The following PABPC1L variants were observed in gnomAD, a reference collection of about 807,000 sequenced individuals.
The protein encoded by PABPC1L is poly(A) binding protein cytoplasmic 1 like, also known as polyadenylate-binding protein 1-like.
In PABPC1L, 31 loss-of-function variants were observed where a neutral mutation model predicts 66.6. That is an observed-to-expected ratio of 0.47 (90% CI 0.35 to 0.63). The LOEUF is 0.63. PABPC1L is among the 20% of genes least tolerant of loss of function. The probability of loss-of-function intolerance (pLI) is 0.00; values close to 1 mark genes in which losing one functional copy is unlikely to be tolerated. For synonymous variants in PABPC1L, 348 were observed against 335.1 expected (o/e 1.04, Z -0.42); for missense variants, 722 against 848.8 (o/e 0.85, Z 1.86).
chr20:44,914,204 C>CTTTT (rs1201412446), intron 2 of PABPC1L, among the ~76,000 whole-genome samples: 3,109 of 114,242 alleles, frequency 0.027, 266 homozygotes, highest in African/African-American at 0.082. Flanking sequence ...TGTGTCAGAA[C>CTTTT]TTTTTTTTTT....
At position 44,912,867 on chromosome 20, in the gene PABPC1L, G is replaced by C. The variant is rs199704484; in HGVS notation, c.387+14G>C. ...CTCTCTTGCAAGGTAGAGGATGAAGGGTGTACGTCTTTGGGTAGATCGGTG... is the reference window on the plus strand; with the variant it reads ...CTCTCTTGCAAGGTAGAGGATGAAGCGTGTACGTCTTTGGGTAGATCGGTG... On this transcript the variant is annotated intron_variant, in intron 2 of 14. Coordinates refer to ENST00000217073, the MANE Select transcript of PABPC1L (RefSeq NM_001372179.1). 2.5e-4 allele frequency: 408 copies of C among 1,608,504 alleles called. No homozygotes were observed. Among genetic ancestry groups the C allele is most frequent in the Non-Finnish European group, 3.2e-4 (378 of 1,175,398 alleles).
Position 44,915,336 on chromosome 20 carries a change from T to C in PABPC1L, c.388-1420T>C, listed in dbSNP as rs558304452. Among the ~76,000 whole-genome samples the C allele has an allele frequency of 2.0e-5, 3 of 152,238 alleles. No homozygotes were observed. In the East Asian group the frequency reaches 5.8e-4, roughly 29 times the overall value. On this transcript the variant is annotated intron_variant, in intron 2 of 14. Coordinates refer to ENST00000217073, the MANE Select transcript of PABPC1L (RefSeq NM_001372179.1). Reference sequence around the variant, plus strand: ...TGAGCTGAGCCTGTAGCCACAGGGATGAGTGGAGCCACAGTCACCTTGAAG... The same window carrying C: ...TGAGCTGAGCCTGTAGCCACAGGGACGAGTGGAGCCACAGTCACCTTGAAG...
intron 7 of PABPC1L, among the ~76,000 whole-genome samples, chr20:44,924,924 C>T (rs535667984): frequency 6.9e-6 from 1 of 144,558 alleles, no homozygotes; most frequent in African/African-American, 2.9e-5. Flanking sequence ...TTTTTTAAAG[C>T]TCCCAGAGGC....
chr20:44,923,285 C>T (rs1428447810), intron 6 of PABPC1L, among the ~76,000 whole-genome samples: 1 of 152,066 alleles, frequency 6.6e-6, no homozygotes, highest in African/African-American at 2.4e-5. Context: ...GTCTGTAAAA[C>T]AAGGATAAAA....
In PABPC1L at chr20:44,930,740, C is replaced by A; in HGVS notation, c.1239+14C>A. On this transcript the variant is annotated intron_variant, in intron 8 of 14. Coordinates refer to ENST00000217073, the MANE Select transcript of PABPC1L (RefSeq NM_001372179.1). Reference sequence around the variant, plus strand: ...GCCATGCCCCAGGTGACGGCCTGCCCGCAACTCCCACCGCAGCCTTCCCCC... The same window carrying A: ...GCCATGCCCCAGGTGACGGCCTGCCAGCAACTCCCACCGCAGCCTTCCCCC... The A allele has an allele frequency of 1.2e-6, 2 of 1,609,020 alleles. No individual in the cohort carries two copies. Among genetic ancestry groups the A allele is most frequent in the African/African-American group, 1.3e-5 (1 of 75,038 alleles).
rs2066874938 is a variant in PABPC1L, at chr20:44,933,146, A to G, written c.1420A>G (p.Thr474Ala). 1 of 1,609,438 alleles carries G rather than the reference A, an allele frequency of 6.2e-7. No individual in the cohort carries two copies. The highest frequency in any genetic ancestry group is 1.1e-5 in the South Asian group (1 of 89,754). The change falls in exon 10 of 15, where the codon ACC becomes GCC. Residue 474 changes from threonine (T) to alanine (A), a missense_variant. By Grantham distance (58) the Thr-to-Ala change is moderately conservative. Transcript: ENST00000217073. Reference sequence around the variant, plus strand: ...CATCAGCAGTGTCAGGCAGGCCTCCACCCAGGTGCCACGCACGGTGCCTCA... The same window carrying G: ...CATCAGCAGTGTCAGGCAGGCCTCCGCCCAGGTGCCACGCACGGTGCCTCA... ...AHISSVRQASTQVPRTVPHTQ... is the reference protein window; with the variant it reads ...AHISSVRQASAQVPRTVPHTQ...
At chr20:44,914,893 C>T (rs968726524) in intron 2 of PABPC1L, among the ~76,000 whole-genome samples, 17 of 152,184 alleles carry the variant, frequency 1.1e-4, no homozygotes, top group African/African-American at 3.6e-4. Flanking sequence ...TTGGACAAGT[C>T]ATTTATTCTC....
chr20:44,916,227 G>A (rs1206396023), intron 2 of PABPC1L, among the ~76,000 whole-genome samples: 3 of 152,148 alleles, frequency 2.0e-5, no homozygotes, highest in Admixed American at 6.5e-5. Flanking sequence ...CAGTATAGAT[G>A]AAACCTGTGT....
intron 2 of PABPC1L, among the ~76,000 whole-genome samples, chr20:44,913,617 G>T (rs1420579804): frequency 2.0e-5 from 3 of 151,980 alleles, no homozygotes; most frequent in Non-Finnish European, 4.4e-5. Context: ...GACAGGGTGG[G>T]TTTCACTGTG....
At chr20:44,938,266 G>A in intron 13 of PABPC1L, 75 bp downstream of exon 13, 1 of 1,540,254 alleles carries the variant, frequency 6.5e-7, no homozygotes, top group Non-Finnish European at 8.7e-7. Context: ...TCCTAGTGGA[G>A]CCAGTGGATA....
In PABPC1L at chr20:44,933,088, G is replaced by T. The variant is rs761737154; in HGVS notation, c.1362G>T (p.Arg454=). 6.2e-7 allele frequency: 1 copy of T among 1,600,654 alleles called. No homozygotes were observed. The highest frequency in any genetic ancestry group is 1.1e-5 in the South Asian group (1 of 88,238). Residue 454 remains arginine, a synonymous_variant, in exon 10 of 15, where the codon CGG becomes CGT. Transcript: ENST00000217073. ...ACCCTCCAGGTGCCTCAATGGTCCGGCCACCAGTTGTGCCTCGGCGCCCCC... is the reference window on the plus strand; with the variant it reads ...ACCCTCCAGGTGCCTCAATGGTCCGTCCACCAGTTGTGCCTCGGCGCCCCC... ...SAYPPGASMV[R]PPVVPRRPPA...
chr20:44,938,263 G>A, intron 13 of PABPC1L, 72 bp downstream of exon 13: 1 of 1,540,330 alleles, frequency 6.5e-7, no homozygotes, highest in South Asian at 1.2e-5. Context: ...CTCTCCTAGT[G>A]GAGCCAGTGG....
chr20:44,921,547 G>A (rs1021735987), intron 5 of PABPC1L, 47 bp from the exon 6 acceptor site: 5 of 1,605,566 alleles, frequency 3.1e-6, no homozygotes, highest in Non-Finnish European at 4.3e-6. Context: ...CTGGGCCAGG[G>A]CCACATCTGA....
intron 3 of PABPC1L, 91 bp from the exon 4 acceptor site, chr20:44,918,815 G>C (rs919055337): frequency 6.8e-7 from 1 of 1,461,932 alleles, no homozygotes; most frequent in Non-Finnish European, 9.1e-7. Context: ...TGTAAGCCTG[G>C]AGAAGGGCAG....
rs757541721 is a variant in PABPC1L, at chr20:44,916,857, G to A, written c.489G>A (p.Leu163=). 6.2e-7 allele frequency: 1 copy of A among 1,614,174 alleles called. No individual in the cohort carries two copies. The highest frequency in any genetic ancestry group is 8.5e-7 in the Non-Finnish European group (1 of 1,180,016). The part of the protein sequence containing the change: ...QAINTMNGML[L]NDRKVFVGHF... ...TCAACACCATGAATGGGATGCTGCT[G>A]AATGACCGCAAAGTGTGAGTGGCTG... Residue 163 remains leucine, a synonymous_variant, in exon 3 of 15, where the codon CTG becomes CTA. Transcript: ENST00000217073.
rs2066924364 is a variant in PABPC1L, at chr20:44,939,154, CA to C, written c.*39del. The C allele has an allele frequency of 1.4e-6, 1 of 718,050 alleles. No individual in the cohort carries two copies. 44.5% of individuals were successfully genotyped at this position (718,050 alleles called of 1,614,324 possible). ...AGGAAATCCTCGCTTCCATGGCTGC[CA>C]AAAGGACAGTGTTTCTGGCTCTCAG... On this transcript the variant is annotated 3_prime_UTR_variant, in exon 15 of 15. Coordinates refer to ENST00000217073, the MANE Select transcript of PABPC1L (RefSeq NM_001372179.1).
At chr20:44,924,365 T>TTTAATGATAC in intron 7 of PABPC1L, 109 bp downstream of exon 7, 1 of 813,530 alleles carries the variant, frequency 1.2e-6, no homozygotes, top group Non-Finnish European at 2.0e-6. Flanking sequence ...TTCAGGGGGT[T>TTTAATGATAC]GGTGCCGGCT....
intron 8 of PABPC1L, among the ~76,000 whole-genome samples, chr20:44,931,126 C>G (rs13041777): frequency 0.51 from 61,903 of 122,346 alleles, 16,468 homozygotes; most frequent in Admixed American, 0.62. Flanking sequence ...CTCCATGTCA[C>G]CCAGGCTGGT....
Position 44,916,885 on chromosome 20 carries a change from C to A in PABPC1L, c.503+14C>A, listed in dbSNP as rs1040513295. On this transcript the variant is annotated intron_variant, in intron 3 of 14. Transcript: ENST00000217073. ...TGACCGCAAAGTGTGAGTGGCTGGG[C>A]CCGAGGGAGGGGCGGAGGCTGCAGG... 2 of 1,611,522 alleles carry A rather than the reference C, an allele frequency of 1.2e-6. No individual in the cohort carries two copies. The highest frequency in any genetic ancestry group is 1.7e-5 in the Admixed American group (1 of 59,990).
Sources: gnomAD v4.1 joint callset for allele counts (sites outside exome capture counted in the v4.1 genomes callset) on GRCh38, gnomAD v4.1.1 for gene constraint, MANE v1.5 for transcripts, NCBI Gene and HGNC (gene_info 2026-07-23, HGNC 2026-07-21) for gene names.